SLC25A24: variants seen among roughly 807,000 people sequenced by gnomAD.
SLC25A24 encodes the protein solute carrier family 25 member 24.
A neutral mutation model predicts 60.7 loss-of-function variants in SLC25A24; 49 were observed. The observed-to-expected ratio is 0.81, with a 90% CI of 0.64 to 1.02. SLC25A24 has a LOEUF of 1.02. Among genes scored for constraint, SLC25A24 ranks in the 50% least tolerant of loss-of-function variants. The pLI is 0.00. For synonymous variants in SLC25A24, 202 were observed against 200.6 expected (o/e 1.01, Z -0.06); for missense variants, 564 against 586.3 (o/e 0.96, Z 0.39).
rs373695269 is a variant in SLC25A24, at chr1:108,155,151, G to T, written c.670-16C>A. On this transcript the variant is annotated splice_polypyrimidine_tract_variant and intron_variant, in intron 5 of 9. Coordinates refer to ENST00000565488, the MANE Select transcript of SLC25A24 (RefSeq NM_013386.5). ...AACCGTGAACCTAAAAATAAAAGCAGAATGATATAAAATGCTGGTGGCATA... is the reference window on the plus strand; with the variant it reads ...AACCGTGAACCTAAAAATAAAAGCATAATGATATAAAATGCTGGTGGCATA... The T allele has an allele frequency of 1.0e-4, 161 of 1,599,864 alleles. No homozygotes were observed. In the African/African-American group the frequency reaches 2.1e-3, roughly 21 times the overall value.
intron 4 of SLC25A24, among the ~76,000 whole-genome samples, chr1:108,160,240 G>A (rs1350009095): frequency 2.6e-5 from 4 of 151,886 alleles, no homozygotes; most frequent in Non-Finnish European, 5.9e-5. Context: ...TCCCAGACGG[G>A]GCGGCGGGGC....
intron 1 of SLC25A24, chr1:108,199,131 T>C (rs1278631868): frequency 6.6e-6 from 1 of 152,134 alleles, no homozygotes; most frequent in Non-Finnish European, 1.5e-5. Context: ...GAAGAAACAG[T>C]AAACTGAAGA....
intron 7 of SLC25A24, among the ~76,000 whole-genome samples, chr1:108,145,536 T>G (rs1406195555): frequency 6.6e-6 from 1 of 152,140 alleles, no homozygotes; most frequent in East Asian, 1.9e-4. Context: ...AGGGATTTTA[T>G]AGTTTAAGTC....
intron 5 of SLC25A24, among the ~76,000 whole-genome samples, chr1:108,156,396 AG>A (rs1397204300): frequency 2.0e-5 from 3 of 152,212 alleles, no homozygotes; most frequent in African/African-American, 7.2e-5. Context: ...AATAGGACAA[AG>A]GAAAAAATAA....
In SLC25A24 at chr1:108,136,408, G is replaced by T; in HGVS notation, c.*245C>A. 2.9e-6 allele frequency: 1 copy of T among 347,792 alleles called. No individual in the cohort carries two copies. The allele number at this position is 347,792 out of a possible 1,614,324, so 21.5% of individuals were successfully genotyped here. On this transcript the variant is annotated 3_prime_UTR_variant, in exon 10 of 10. Transcript: ENST00000565488. ...TCGGATTCAGGGCAGAGATTTGCAG[G>T]ATTATTAAGAAAAGATAAAGTATAA... is the stretch of plus-strand genomic sequence containing the variant.
chr1:108,168,675 T>C (rs1416403673), intron 3 of SLC25A24, among the ~76,000 whole-genome samples: 1 of 152,238 alleles, frequency 6.6e-6, no homozygotes, highest in Non-Finnish European at 1.5e-5. Context: ...TTCATGTCTT[T>C]GCCCGTTTTT....
intron 4 of SLC25A24, among the ~76,000 whole-genome samples, chr1:108,158,999 T>A (rs1227561318): frequency 6.6e-6 from 1 of 151,842 alleles, no homozygotes. Context: ...CAAGACTCCG[T>A]CTCAAAAAAA....
rs1679263327 is a variant in SLC25A24, at chr1:108,135,704, A to G, written c.*949T>C. The G allele has an allele frequency of 2.0e-5, 3 of 152,652 alleles. No homozygotes were observed. The highest frequency in any genetic ancestry group is 6.5e-5 in the Admixed American group (1 of 15,286). The allele number at this position is 152,652 out of a possible 1,614,324, so 9.5% of individuals were successfully genotyped here. ...CCCATATTGAAAACAGCAAGTTCAA[A>G]GATATTCAACAGTGAGGGAGAAATA... On this transcript the variant is annotated 3_prime_UTR_variant, in exon 10 of 10. Transcript: ENST00000565488.
chr1:108,176,326 G>C (rs1647672693), intron 3 of SLC25A24, among the ~76,000 whole-genome samples: 1 of 152,040 alleles, frequency 6.6e-6, no homozygotes, highest in Non-Finnish European at 1.5e-5. Flanking sequence ...AAAATACACA[G>C]AGGAGAAAAA....
intron 1 of SLC25A24, among the ~76,000 whole-genome samples, chr1:108,187,208 G>A (rs1648158564): frequency 6.6e-6 from 1 of 152,104 alleles, no homozygotes; most frequent in Non-Finnish European, 1.5e-5. Flanking sequence ...GCTACACTTA[G>A]AGAAAGATTT....
chr1:108,155,030 T>G lies in SLC25A24; in HGVS notation c.775A>C (p.Ile259Leu). Residue 259 changes from isoleucine (I) to leucine (L), a missense_variant, in exon 6 of 10, where the codon ATC (isoleucine) becomes CTC (leucine). Coordinates refer to ENST00000565488, the MANE Select transcript of SLC25A24 (RefSeq NM_013386.5). ...SLWRGNGTNVIKIAPETAVKF... is the reference protein window; with the variant it reads ...SLWRGNGTNVLKIAPETAVKF... ...ACAGCTGTCTCAGGAGCAATTTTGA[T>G]GACGTTTGTACCATTTCCCCTCCAA... The G allele has an allele frequency of 6.2e-7, 1 of 1,609,696 alleles. No individual in the cohort carries two copies.
At chr1:108,183,603 G>C (rs1235397119) in intron 2 of SLC25A24, among the ~76,000 whole-genome samples, 2 of 152,118 alleles carry the variant, frequency 1.3e-5, no homozygotes, top group Non-Finnish European at 2.9e-5. Flanking sequence ...CACTAACATT[G>C]AATTTGGGGC....
chr1:108,142,291 C>G (rs1395744995), intron 8 of SLC25A24, among the ~76,000 whole-genome samples: 1 of 152,142 alleles, frequency 6.6e-6, no homozygotes, highest in Non-Finnish European at 1.5e-5. Flanking sequence ...GAATTGAAGG[C>G]ATAGACTCGA....
chr1:108,136,926 A>C (rs758863591), intron 9 of SLC25A24, 89 bp from the exon 10 acceptor site: 431 of 1,210,330 alleles, frequency 3.6e-4, no homozygotes, highest in Non-Finnish European at 4.9e-4. Context: ...TGATATTCTA[A>C]AATACAGTAA....
chr1:108,177,893 G>A (rs1333766506), intron 3 of SLC25A24, among the ~76,000 whole-genome samples: 1 of 152,108 alleles, frequency 6.6e-6, no homozygotes, highest in African/African-American at 2.4e-5. Flanking sequence ...GGCCAGGGGT[G>A]GTGGCTCACA....
Position 108,185,758 on chromosome 1 carries a change from C to G in SLC25A24, c.310+70G>C, listed in dbSNP as rs903913718. 9 of 1,145,088 alleles carry G rather than the reference C, an allele frequency of 7.9e-6. No homozygotes were observed. In the African/African-American group the frequency reaches 7.9e-5, roughly 10 times the overall value. 70.9% of individuals were successfully genotyped at this position (1,145,088 alleles called of 1,614,324 possible). Reference sequence around the variant, plus strand: ...AAAACCAGAGAGATTAAATAAGCATCCTTTTAGACTCTTGAAAGCATGATA... The same window carrying G: ...AAAACCAGAGAGATTAAATAAGCATGCTTTTAGACTCTTGAAAGCATGATA... On this transcript the variant is annotated intron_variant, in intron 2 of 9. Coordinates refer to ENST00000565488, the MANE Select transcript of SLC25A24 (RefSeq NM_013386.5).
chr1:108,185,413 TC>T (rs1210053846), intron 2 of SLC25A24, among the ~76,000 whole-genome samples: 4 of 152,342 alleles, frequency 2.6e-5, no homozygotes, highest in South Asian at 4.1e-4. Context: ...TGCAAGATAA[TC>T]TGAAAGTTTT....
intron 7 of SLC25A24, among the ~76,000 whole-genome samples, chr1:108,144,024 T>TAAAG (rs1297705314): frequency 6.6e-6 from 1 of 152,114 alleles, no homozygotes; most frequent in Non-Finnish European, 1.5e-5. Context: ...AATGGTAGTA[T>TAAAG]AAAGGATAAC....
In SLC25A24 at chr1:108,136,440, G is replaced by A. The variant is rs987899171; in HGVS notation, c.*213C>T. 4.1e-6 allele frequency: 2 copies of A among 489,484 alleles called. No individual in the cohort carries two copies. The highest frequency in any genetic ancestry group is 3.9e-5 in the African/African-American group (2 of 51,280). 30.3% of individuals were successfully genotyped at this position (489,484 alleles called of 1,614,324 possible). A position where few individuals can be genotyped will look rare whatever the true frequency, so the allele number is the denominator to read the frequency against. On this transcript the variant is annotated 3_prime_UTR_variant, in exon 10 of 10. Transcript: ENST00000565488. ...AAGAAAAGATAAAGTATAATTGTGTGGCCTTTTCAAAACACATTAAAACTA... is the reference window on the plus strand; with the variant it reads ...AAGAAAAGATAAAGTATAATTGTGTAGCCTTTTCAAAACACATTAAAACTA...
Sources: gnomAD v4.1 joint callset for allele counts (sites outside exome capture counted in the v4.1 genomes callset) on GRCh38, gnomAD v4.1.1 for gene constraint, MANE v1.5 for transcripts, NCBI Gene and HGNC (gene_info 2026-07-23, HGNC 2026-07-21) for gene names.